Variants in RAB31 observed in about 807,000 individuals in gnomAD.
RAB31 encodes the protein RAB31, member RAS oncogene family, also known as ras-related protein Rab-31.
RAB31 carries 21 observed loss-of-function variants against 25.6 expected under a neutral mutation model. The ratio of observed to expected loss-of-function variants is 0.82; its 90% CI spans 0.58 to 1.18. RAB31 has a LOEUF of 1.18. RAB31 is among the 50% of genes most tolerant of loss of function. The pLI, the probability that RAB31 is intolerant of heterozygous loss-of-function variation, is 0.00. For missense variants in RAB31, 196 were observed against 250.1 expected, an observed-to-expected ratio of 0.78 and a Z score of 1.46; for synonymous variants, 87 against 84.0, an observed-to-expected ratio of 1.04 and a Z score of -0.20.
At chr18:9,742,791 A>G (rs942586355) in intron 1 of RAB31, among the ~76,000 whole-genome samples, 3 of 152,202 alleles carry the variant, frequency 2.0e-5, no homozygotes, top group Non-Finnish European at 4.4e-5. Flanking sequence ...TGACCTGTGC[A>G]GAGTGCTTTT....
At chr18:9,770,852 C>CTTTT (rs34745235) in intron 1 of RAB31, among the ~76,000 whole-genome samples, 109 of 128,542 alleles carry the variant, frequency 8.5e-4, no homozygotes, top group African/African-American at 2.3e-3. Flanking sequence ...AGAAATTTGA[C>CTTTT]TTTTTTTTTT....
chr18:9,730,379 C>T lies in RAB31; in HGVS notation c.39+21935C>T, dbSNP rs564152723. On this transcript the variant is annotated intron_variant, in intron 1 of 6. Transcript: ENST00000578921. ...TTGGCTCACTGCAGCCTCTGCCTCT[C>T]GGGCTCAGACAATTCTCCCGTCTCA... 5.9e-5 allele frequency among the ~76,000 whole-genome samples: 9 copies of T among 151,440 alleles called. No individual in the cohort carries two copies. The East Asian group carries it at 7.8e-4, about 13-fold the overall frequency.
In RAB31 at chr18:9,845,707, T is replaced by C; in HGVS notation, c.490+16T>C. ...CAAGGAATCAGTAAGTACCTGAAATTGGGTTTTCAGCCCAACTTGCATTTT... is the reference window on the plus strand; with the variant it reads ...CAAGGAATCAGTAAGTACCTGAAATCGGGTTTTCAGCCCAACTTGCATTTT... On this transcript the variant is annotated intron_variant, in intron 6 of 6. Coordinates refer to ENST00000578921, the MANE Select transcript of RAB31 (RefSeq NM_006868.4). 2 of 1,532,478 alleles carry C rather than the reference T, an allele frequency of 1.3e-6. No homozygotes were observed. Among genetic ancestry groups the C allele is most frequent in the East Asian group, 2.5e-5 (1 of 40,808 alleles). The allele number at this position is 1,532,478 out of a possible 1,614,324, so 94.9% of individuals were successfully genotyped here. A position where few individuals can be genotyped will look rare whatever the true frequency, so the allele number is the denominator to read the frequency against.
chr18:9,805,283 T>TTA (rs111236812), intron 3 of RAB31, among the ~76,000 whole-genome samples: 7 of 146,874 alleles, frequency 4.8e-5, no homozygotes, highest in East Asian at 2.0e-4. Context: ...ATAAAAAGAT[T>TTA]AAAAAAAAAA....
At chr18:9,751,342 A>G (rs2068234162) in intron 1 of RAB31, among the ~76,000 whole-genome samples, 1 of 152,232 alleles carries the variant, frequency 6.6e-6, no homozygotes, top group African/African-American at 2.4e-5. Flanking sequence ...TCAGTTATAA[A>G]GCTAGAATGT....
intron 5 of RAB31, among the ~76,000 whole-genome samples, chr18:9,822,869 TA>T (rs1183346085): frequency 1.3e-5 from 2 of 152,214 alleles, no homozygotes; most frequent in Admixed American, 6.5e-5. Context: ...CTTATAAAAC[TA>T]AACGTGCAGT....
chr18:9,788,496 T>C (rs952203034), intron 2 of RAB31, among the ~76,000 whole-genome samples: 4 of 152,072 alleles, frequency 2.6e-5, no homozygotes, highest in Non-Finnish European at 5.9e-5. Flanking sequence ...AGTATGGAGG[T>C]TTCTCAACAA....
chr18:9,752,069 A>T (rs1158669224), intron 1 of RAB31, among the ~76,000 whole-genome samples: 1 of 152,104 alleles, frequency 6.6e-6, no homozygotes. Flanking sequence ...ACTCTCCTGT[A>T]GGGAGTAAAA....
At chr18:9,739,875 T>A (rs2068169363) in intron 1 of RAB31, among the ~76,000 whole-genome samples, 1 of 152,246 alleles carries the variant, frequency 6.6e-6, no homozygotes, top group South Asian at 2.1e-4. Flanking sequence ...AACTCAGGGT[T>A]CTTTTTCTAA....
In RAB31 at chr18:9,859,718, T is replaced by C. The variant is rs1203631032; in HGVS notation, c.*393T>C. On this transcript the variant is annotated 3_prime_UTR_variant, in exon 7 of 7. Transcript: ENST00000578921. Reference sequence around the variant, plus strand: ...TGCTACCTATCCAAATTCCAGTAACTACTTCAGTGTCATTGCCTTTGTTAC... The same window carrying C: ...TGCTACCTATCCAAATTCCAGTAACCACTTCAGTGTCATTGCCTTTGTTAC... 2 of 157,208 alleles carry C rather than the reference T, an allele frequency of 1.3e-5. No homozygotes were observed. Among genetic ancestry groups the C allele is most frequent in the East Asian group, 3.7e-4 (2 of 5,474 alleles). 9.7% of individuals were successfully genotyped at this position (157,208 alleles called of 1,614,324 possible). A position where few individuals can be genotyped will look rare whatever the true frequency, so the allele number is the denominator to read the frequency against.
At chr18:9,849,895 G>A (rs2068780509) in intron 6 of RAB31, among the ~76,000 whole-genome samples, 1 of 152,156 alleles carries the variant, frequency 6.6e-6, no homozygotes, top group Non-Finnish European at 1.5e-5. Context: ...GGGAGTAAGG[G>A]TGATACTCTG....
chr18:9,841,091 T>G (rs1414162456), intron 5 of RAB31, among the ~76,000 whole-genome samples: 1 of 152,072 alleles, frequency 6.6e-6, no homozygotes, highest in Non-Finnish European at 1.5e-5. Context: ...CCATCACACC[T>G]GGCTAATTTT....
chr18:9,727,415 C>G (rs1419429099), intron 1 of RAB31, among the ~76,000 whole-genome samples: 4 of 152,234 alleles, frequency 2.6e-5, no homozygotes, highest in African/African-American at 9.6e-5. Flanking sequence ...CTCGCAGGCT[C>G]ACACAATCCT....
At chr18:9,789,154 T>A (rs1328405049) in intron 2 of RAB31, among the ~76,000 whole-genome samples, 1 of 152,060 alleles carries the variant, frequency 6.6e-6, no homozygotes, top group Admixed American at 6.6e-5. Context: ...CTACATGTTC[T>A]CACTCATATG....
At chr18:9,758,877 A>G (rs2068273195) in intron 1 of RAB31, among the ~76,000 whole-genome samples, 1 of 152,084 alleles carries the variant, frequency 6.6e-6, no homozygotes, top group Non-Finnish European at 1.5e-5. Flanking sequence ...TTTGCTCTGA[A>G]AGTGCAGCAC....
rs148700489 is a variant in RAB31, at chr18:9,710,806, C to G, written c.39+2362C>G. 5.9e-3 allele frequency among the ~76,000 whole-genome samples: 900 copies of G among 152,108 alleles called. 6 individuals are homozygous for G. Among genetic ancestry groups the G allele is most frequent in the Non-Finnish European group, 0.01 (702 of 68,008 alleles). On this transcript the variant is annotated intron_variant, in intron 1 of 6. Coordinates refer to ENST00000578921, the MANE Select transcript of RAB31 (RefSeq NM_006868.4). ...CTGGGAGGTGGAGGTTGCAGTGAGCCGAAATCACGCCACTGCACTCCAGTC... is the reference window on the plus strand; with the variant it reads ...CTGGGAGGTGGAGGTTGCAGTGAGCGGAAATCACGCCACTGCACTCCAGTC...
chr18:9,727,388 C>T (rs953337333), intron 1 of RAB31, among the ~76,000 whole-genome samples: 1 of 152,230 alleles, frequency 6.6e-6, no homozygotes. Context: ...GTGATCATAG[C>T]TTACTGCAGC....
intron 2 of RAB31, among the ~76,000 whole-genome samples, chr18:9,788,260 GACAT>G (rs2068443453): frequency 6.6e-6 from 1 of 152,128 alleles, no homozygotes; most frequent in African/African-American, 2.4e-5. Flanking sequence ...CTAAAAAGAA[GACAT>G]ACAGATGGCC....
intron 1 of RAB31, among the ~76,000 whole-genome samples, chr18:9,734,538 A>G: frequency 6.6e-6 from 1 of 152,174 alleles, no homozygotes; most frequent in Non-Finnish European, 1.5e-5. Context: ...TGGGGAGCCT[A>G]TCTGCAGGTG....
Sources: allele counts gnomAD v4.1 joint callset (sites outside exome capture counted in the v4.1 genomes callset), GRCh38; gene constraint gnomAD v4.1.1; transcripts MANE v1.5; gene names NCBI Gene and HGNC (gene_info 2026-07-23, HGNC 2026-07-21).